Variants in HECW1 observed in about 807,000 individuals in gnomAD.
HECW1 encodes HECT, C2 and WW domain containing E3 ubiquitin protein ligase 1, also known as E3 ubiquitin-protein ligase HECW1.
Under a neutral mutation model 182.3 loss-of-function variants are expected in HECW1, and 61 were observed. The ratio of observed to expected loss-of-function variants is 0.33; its 90% CI spans 0.27 to 0.41. The LOEUF is 0.41. Among genes scored for constraint, HECW1 ranks in the 10% least tolerant of loss-of-function variants. The pLI is 1.00. For synonymous variants in HECW1, 859 were observed against 832.6 expected, an observed-to-expected ratio of 1.03 and a Z score of -0.55; for missense variants, 1,739 against 2,108.9, an observed-to-expected ratio of 0.82 and a Z score of 3.44.
intron 16 of HECW1, among the ~76,000 whole-genome samples, chr7:43,469,456 C>T (rs1275909236): frequency 6.6e-6 from 1 of 152,162 alleles, no homozygotes; most frequent in South Asian, 2.1e-4. Flanking sequence ...AATGACCTTT[C>T]GGTTGTTTGC....
rs536149900 is a variant in HECW1 at position 43,373,284 on chromosome 7, A to C, written c.555+12304A>C. ...GAGTGCAGTGGCTTGATCTGGGCTC[A>C]CTGCAACCTCTGCCTCTTAGATTCA... On this transcript the variant is annotated intron_variant, in intron 6 of 29. Coordinates refer to ENST00000395891, the MANE Select transcript of HECW1 (RefSeq NM_015052.5). 2.8e-5 allele frequency among the ~76,000 whole-genome samples: 4 copies of C among 144,354 alleles called. No homozygotes were observed. In the South Asian group the frequency reaches 8.6e-4, roughly 31 times the overall value. The allele number at this position is 144,354 out of a possible 152,430, so 94.7% of individuals were successfully genotyped here.
intron 3 of HECW1, among the ~76,000 whole-genome samples, chr7:43,299,505 C>A (rs751339658): frequency 2.0e-5 from 3 of 152,068 alleles, no homozygotes; most frequent in Non-Finnish European, 2.9e-5. Flanking sequence ...TCAAAGGTTC[C>A]AAGTTTAGTC....
At chr7:43,301,799 C>A (rs577292324) in intron 3 of HECW1, among the ~76,000 whole-genome samples, 2 of 151,142 alleles carry the variant, frequency 1.3e-5, no homozygotes, top group African/African-American at 4.9e-5. Flanking sequence ...CTCTTGAACC[C>A]GGGAGGCAGA....
At chr7:43,515,686 AATG>A (rs2080114303) in intron 24 of HECW1, among the ~76,000 whole-genome samples, 1 of 152,230 alleles carries the variant, frequency 6.6e-6, no homozygotes, top group South Asian at 2.1e-4. Context: ...CTCTATTTTA[AATG>A]ATACTTCTTT....
At chr7:43,474,342 G>A (rs1166654680) in intron 16 of HECW1, among the ~76,000 whole-genome samples, 2 of 152,148 alleles carry the variant, frequency 1.3e-5, no homozygotes, top group Admixed American at 6.5e-5. Flanking sequence ...CCAGCTACTC[G>A]GGAGGCTGAG....
chr7:43,247,240 T>C (rs17172185), intron 3 of HECW1, among the ~76,000 whole-genome samples: 20,747 of 152,194 alleles, frequency 0.14, 2,673 homozygotes, highest in African/African-American at 0.33. Context: ...GGAAGAAATA[T>C]GCAGGAAAAC....
intron 25 of HECW1, 33 bp from the exon 26 acceptor site, chr7:43,541,836 T>G: frequency 2.8e-6 from 4 of 1,424,652 alleles, no homozygotes; most frequent in Non-Finnish European, 3.7e-6. Flanking sequence ...GCCATTTGTT[T>G]GGTAATTTGC....
chr7:43,123,032 A>C (rs1004644829), intron 2 of HECW1, among the ~76,000 whole-genome samples: 1 of 152,246 alleles, frequency 6.6e-6, no homozygotes, highest in Non-Finnish European at 1.5e-5. Flanking sequence ...ATGTCCAAAG[A>C]CAAAGCAGAA....
intron 3 of HECW1, among the ~76,000 whole-genome samples, chr7:43,290,563 A>G (rs747014352): frequency 5.3e-5 from 8 of 152,186 alleles, no homozygotes; most frequent in African/African-American, 1.9e-4. Context: ...CCTTCTTGTC[A>G]TGGATGGGAA....
intron 24 of HECW1, among the ~76,000 whole-genome samples, chr7:43,514,645 T>C (rs187970863): frequency 4.9e-4 from 75 of 152,342 alleles, no homozygotes; most frequent in African/African-American, 1.8e-3. Flanking sequence ...TGCATATTGA[T>C]GAGGCACTCA....
At chr7:43,120,020 T>A (rs2152601638) in intron 2 of HECW1, among the ~76,000 whole-genome samples, 1 of 152,344 alleles carries the variant, frequency 6.6e-6, no homozygotes, top group East Asian at 1.9e-4. Flanking sequence ...ACATCTGCTG[T>A]GTGCCAGGCA....
Position 43,320,550 on chromosome 7 carries a change from G to T in HECW1, c.353-85G>T, listed in dbSNP as rs1012523179. On this transcript the variant is annotated intron_variant, in intron 4 of 29. Coordinates refer to ENST00000395891, the MANE Select transcript of HECW1 (RefSeq NM_015052.5). The stretch of plus-strand genomic sequence containing the variant: ...TTCTGTTGAGATGGAAGCAGCATTT[G>T]TATCCTTTGCTTTTCTTTTATTCCC... The T allele has an allele frequency of 1.3e-5, 12 of 925,368 alleles. No individual in the cohort carries two copies. In the African/African-American group the frequency reaches 2.0e-4, roughly 15 times the overall value. The allele number at this position is 925,368 out of a possible 1,614,324, so 57.3% of individuals were successfully genotyped here.
intron 16 of HECW1, among the ~76,000 whole-genome samples, chr7:43,471,711 A>C (rs1276262677): frequency 6.6e-6 from 1 of 152,186 alleles, no homozygotes; most frequent in Admixed American, 6.5e-5. Flanking sequence ...TGAGGGAGGC[A>C]GTCACCATCA....
chr7:43,335,354 T>C (rs1298716867), intron 5 of HECW1, among the ~76,000 whole-genome samples: 1 of 152,172 alleles, frequency 6.6e-6, no homozygotes, highest in Admixed American at 6.5e-5. Flanking sequence ...GTGGTTATGG[T>C]GACCTTACAA....
At chr7:43,189,658 A>C (rs553361447) in intron 2 of HECW1, among the ~76,000 whole-genome samples, 1 of 152,346 alleles carries the variant, frequency 6.6e-6, no homozygotes, top group African/African-American at 2.4e-5. Context: ...GTTAAAAGTA[A>C]AAGTTTCTGG....
intron 21 of HECW1, among the ~76,000 whole-genome samples, chr7:43,504,675 A>G (rs2079506476): frequency 6.6e-6 from 1 of 152,208 alleles, no homozygotes; most frequent in African/African-American, 2.4e-5. Context: ...TGAACACCCA[A>G]AGGAAAATTC....
chr7:43,306,337 G>GTAAATT (rs1807564723), intron 3 of HECW1, among the ~76,000 whole-genome samples: 2 of 149,866 alleles, frequency 1.3e-5, no homozygotes, highest in South Asian at 4.2e-4. Flanking sequence ...TTCTTGGTTT[G>GTAAATT]TAAATTTTCT....
chr7:43,526,028 G>A (rs1461022972), intron 24 of HECW1, among the ~76,000 whole-genome samples: 2 of 152,062 alleles, frequency 1.3e-5, no homozygotes, highest in Non-Finnish European at 2.9e-5. Flanking sequence ...AAACAATAAA[G>A]CATCATAGAA....
At chr7:43,379,307 T>C (rs890917812) in intron 6 of HECW1, among the ~76,000 whole-genome samples, 6 of 152,110 alleles carry the variant, frequency 3.9e-5, no homozygotes, top group African/African-American at 1.4e-4. Flanking sequence ...CACTGAGAAA[T>C]GAAGGCAATC....
Sources: allele counts gnomAD v4.1 joint callset (sites outside exome capture counted in the v4.1 genomes callset), GRCh38; gene constraint gnomAD v4.1.1; transcripts MANE v1.5; gene names NCBI Gene and HGNC (gene_info 2026-07-23, HGNC 2026-07-21).